KDM6B: variants seen among roughly 807,000 people sequenced by gnomAD.
KDM6B encodes the protein lysine demethylase 6B.
KDM6B carries 22 observed loss-of-function variants against 150.4 expected under a neutral mutation model. The observed-to-expected ratio is 0.15, with a 90% CI of 0.10 to 0.21. KDM6B has a LOEUF of 0.21. Among genes scored for constraint, KDM6B ranks in the 10% least tolerant of loss-of-function variants. The pLI is 1.00. For synonymous variants in KDM6B, 1,148 were observed against 921.1 expected (o/e 1.25, Z -4.46); for missense variants, 1,984 against 2,234.3 (o/e 0.89, Z 2.26).
Position 7,847,367 on chromosome 17 carries a change from C to T in KDM6B, c.1172C>T (p.Pro391Leu), listed in dbSNP as rs987662315. The T allele has an allele frequency of 8.1e-6, 13 of 1,612,848 alleles. No individual in the cohort carries two copies. The East Asian group carries it at 2.0e-4, about 25-fold the overall frequency. ...ACVPYAPSRP[P>L]GLPGTTTSSS... Reference sequence around the variant, plus strand: ...GTGCCTTACGCCCCTTCCCGGCCCCCTGGCCTCCCCGGCACCACCACCAGC... The same window carrying T: ...GTGCCTTACGCCCCTTCCCGGCCCCTTGGCCTCCCCGGCACCACCACCAGC... The change falls in exon 11 of 24, where the codon CCT (proline) becomes CTT (leucine). Residue 391 changes from proline (P) to leucine (L), a missense_variant. Pro to Leu is a moderately conservative substitution (Grantham distance 98). Transcript: ENST00000448097.
Position 7,834,244 on chromosome 17 carries a change from A to G in KDM6B, c.-494A>G, listed in dbSNP as rs1277953748. Reference sequence around the variant, plus strand: ...TTGTGTTGGAAAATCCAACTGCGCCACTGGGCGGAGCGGCCCCCCCAGCCC... The same window carrying G: ...TTGTGTTGGAAAATCCAACTGCGCCGCTGGGCGGAGCGGCCCCCCCAGCCC... On this transcript the variant is annotated 5_prime_UTR_variant, in exon 1 of 24. Transcript: ENST00000448097. 6.6e-6 allele frequency among the ~76,000 whole-genome samples: 1 copy of G among 150,994 alleles called. No homozygotes were observed. The highest frequency in any genetic ancestry group is 1.5e-5 in the Non-Finnish European group (1 of 67,636).
rs982790515 is a variant in KDM6B at position 7,849,190 on chromosome 17, G to A, written c.2902G>A (p.Val968Met). Residue 968 changes from valine to methionine, a missense_variant, in exon 12 of 24, where the codon GTG becomes ATG. Transcript: ENST00000448097. ...AKEEAGGVAA[V>M]SGSCKRRQKE... is the part of the protein sequence containing the mutation. Reference sequence around the variant, plus strand: ...GGAGGAGGCTGGCGGGGTGGCGGCAGTGTCAGGCAGCTGTAAGCGGCGACA... The same window carrying A: ...GGAGGAGGCTGGCGGGGTGGCGGCAATGTCAGGCAGCTGTAAGCGGCGACA... 1.2e-6 allele frequency: 2 copies of A among 1,606,476 alleles called. No homozygotes were observed. Among genetic ancestry groups the A allele is most frequent in the African/African-American group, 1.3e-5 (1 of 74,904 alleles).
chr17:7,850,422 A>G (rs576543272), intron 14 of KDM6B, among the ~76,000 whole-genome samples: 2 of 152,360 alleles, frequency 1.3e-5, no homozygotes, highest in East Asian at 3.9e-4. Context: ...GAAGAGAATA[A>G]TACAGATTTT....
In KDM6B at chr17:7,841,958, A is replaced by G. The variant is rs976173710; in HGVS notation, c.-269+1934A>G. ...CTCGCTTCCACCAGGCGTGATGAGG[A>G]CGGGCAGGGAGCGGGTTGCGACGAG... On this transcript the variant is annotated intron_variant, in intron 2 of 23. Coordinates refer to ENST00000448097, the MANE Select transcript of KDM6B (RefSeq NM_001348716.2). Among the ~76,000 whole-genome samples the G allele has an allele frequency of 5.3e-5, 8 of 152,134 alleles. No homozygotes were observed. In the South Asian group the frequency reaches 1.0e-3, roughly 20 times the overall value.
intron 21 of KDM6B, 56 bp from the exon 22 acceptor site, chr17:7,852,944 C>A: frequency 6.2e-7 from 1 of 1,612,126 alleles, no homozygotes; most frequent in Non-Finnish European, 8.5e-7. Flanking sequence ...TTGCTCCAGC[C>A]CTGCCTCAGG....
rs1462539293 is a variant in KDM6B, at chr17:7,853,535, G to C, written c.*14G>C. On this transcript the variant is annotated 3_prime_UTR_variant, in exon 24 of 24. Transcript: ENST00000448097. Reference sequence around the variant, plus strand: ...ACGTCGCGATGAGGCCGGACGCCCCGCCCGCCTGCCTGCCCGCGCAAGGCG... The same window carrying C: ...ACGTCGCGATGAGGCCGGACGCCCCCCCCGCCTGCCTGCCCGCGCAAGGCG... 2 of 1,439,268 alleles carry C rather than the reference G, an allele frequency of 1.4e-6. No individual in the cohort carries two copies. Among genetic ancestry groups the C allele is most frequent in the Non-Finnish European group, 1.8e-6 (2 of 1,101,786 alleles). The allele number at this position is 1,439,268 out of a possible 1,614,324, so 89.2% of individuals were successfully genotyped here.
At chr17:7,852,688 T>G in intron 21 of KDM6B, 52 bp downstream of exon 21, 2 of 1,610,202 alleles carry the variant, frequency 1.2e-6, no homozygotes, top group Non-Finnish European at 1.7e-6. Flanking sequence ...GTCCCTTTTC[T>G]TGTTCTTCCT....
At chr17:7,841,694 C>T (rs867046929) in intron 2 of KDM6B, among the ~76,000 whole-genome samples, 2 of 152,220 alleles carry the variant, frequency 1.3e-5, no homozygotes, top group African/African-American at 4.8e-5. Flanking sequence ...GTCAGACAGA[C>T]TGGTGAACAC....
Position 7,846,483 on chromosome 17 carries a change from A to G in KDM6B, c.540A>G (p.Leu180=). The G allele has an allele frequency of 1.2e-6, 2 of 1,612,476 alleles. No homozygotes were observed. The highest frequency in any genetic ancestry group is 1.3e-5 in the African/African-American group (1 of 74,396). ...LPPLEQVWNL[L]HLEHKRNYGA... ...CACTGGAGCAAGTGTGGAACTTGCTACACCTTGAGGTGAGGCTGGCACTGG... is the reference window on the plus strand; with the variant it reads ...CACTGGAGCAAGTGTGGAACTTGCTGCACCTTGAGGTGAGGCTGGCACTGG... Residue 180 remains leucine (L), a synonymous_variant, in exon 8 of 24, where the codon CTA becomes CTG. Coordinates refer to ENST00000448097, the MANE Select transcript of KDM6B (RefSeq NM_001348716.2).
intron 21 of KDM6B, 123 bp downstream of exon 21, chr17:7,852,759 C>G (rs959556729): frequency 6.3e-6 from 9 of 1,433,842 alleles, no homozygotes; most frequent in Non-Finnish European, 8.7e-6. Flanking sequence ...CCGAGTGTTA[C>G]TGTGTTGGGG....
chr17:7,846,205 G>A lies in KDM6B; in HGVS notation c.364G>A (p.Asp122Asn), dbSNP rs772125486. Residue 122 changes from aspartate (D) to asparagine (N), a missense_variant, in exon 7 of 24, where the codon GAT (aspartate) becomes AAT (asparagine). Asp to Asn is a conservative substitution (Grantham distance 23, BLOSUM62 1). This residue lies in a region of KDM6B where 337 missense variants were observed against 323.9 expected (regional missense o/e 1.04). Coordinates refer to ENST00000448097, the MANE Select transcript of KDM6B (RefSeq NM_001348716.2). ...TGGGCAACTGTACGAGTCAGAGCAC[G>A]ATAGTGAGGAGGCCACACGCTGCTA... is the stretch of plus-strand genomic sequence containing the variant. The part of the protein sequence containing the change: ...QLGQLYESEH[D>N]SEEATRCYHS... 6 of 1,614,032 alleles carry A rather than the reference G, an allele frequency of 3.7e-6. No individual in the cohort carries two copies. Among genetic ancestry groups the A allele is most frequent in the South Asian group, 3.3e-5 (3 of 91,082 alleles).
In KDM6B at chr17:7,854,117, G is replaced by A. The variant is rs983382961; in HGVS notation, c.*596G>A. The A allele has an allele frequency of 1.3e-5, 2 of 151,656 alleles. No homozygotes were observed. Among genetic ancestry groups the A allele is most frequent in the Non-Finnish European group, 2.9e-5 (2 of 67,846 alleles). 9.4% of individuals were successfully genotyped at this position (151,656 alleles called of 1,614,324 possible). ...CACTCACCTCTATTTATTCATTTTTGGGAAAACCCGACCTCCCACACCCCC... is the reference window on the plus strand; with the variant it reads ...CACTCACCTCTATTTATTCATTTTTAGGAAAACCCGACCTCCCACACCCCC... On this transcript the variant is annotated 3_prime_UTR_variant, in exon 24 of 24. Coordinates refer to ENST00000448097, the MANE Select transcript of KDM6B (RefSeq NM_001348716.2).
Position 7,844,204 on chromosome 17 carries a change from G to A in KDM6B, c.-268-697G>A, listed in dbSNP as rs1446282090. 1 of 152,174 alleles carries A rather than the reference G, an allele frequency of 6.6e-6. No individual in the cohort carries two copies. Among genetic ancestry groups the A allele is most frequent in the Non-Finnish European group, 1.5e-5 (1 of 68,034 alleles). The allele number at this position is 152,174 out of a possible 1,614,324, so 9.4% of individuals were successfully genotyped here. On this transcript the variant is annotated intron_variant, in intron 2 of 23. Coordinates refer to ENST00000448097, the MANE Select transcript of KDM6B (RefSeq NM_001348716.2). The surrounding 1 kb of genome is among the most constrained non-coding windows in gnomAD (Gnocchi z 5.9). ...CGTGGCCCCGGCGGGGAAGGGCAGA[G>A]AGGATACGCGAGCCACGAGAGAGGG...
At position 7,842,010 on chromosome 17, in the gene KDM6B, G is replaced by A. The variant is rs1002459753; in HGVS notation, c.-269+1986G>A. Among the ~76,000 whole-genome samples, 9 of 152,208 alleles carry A rather than the reference G, an allele frequency of 5.9e-5. No homozygotes were observed. The East Asian group carries it at 1.7e-3, about 29-fold the overall frequency. On this transcript the variant is annotated intron_variant, in intron 2 of 23. Transcript: ENST00000448097. ...GTCCTGGACCGCCCCACCTCGGCGC[G>A]CGCGCAGCATGCCCGCTGATTGCCG...
rs778169246 is a variant in KDM6B, at chr17:7,849,711, C to A, written c.3423C>A (p.Asp1141Glu). 1 of 1,611,316 alleles carries A rather than the reference C, an allele frequency of 6.2e-7. No homozygotes were observed. The highest frequency in any genetic ancestry group is 8.5e-7 in the Non-Finnish European group (1 of 1,179,946). Residue 1141 changes from aspartate (D) to glutamate (E), a missense_variant, in exon 12 of 24, where the codon GAC becomes GAA. Transcript: ENST00000448097. ...TCACCATCAGCCACTGTGCTGCTGACGTCGTGCGCGCCAGCAGGTGAGTCG... is the reference window on the plus strand; with the variant it reads ...TCACCATCAGCCACTGTGCTGCTGAAGTCGTGCGCGCCAGCAGGTGAGTCG... ...ADLTISHCAA[D>E]VVRASRNAKV...
chr17:7,848,913 C>G lies in KDM6B; in HGVS notation c.2625C>G (p.Gly875=). The change falls in exon 12 of 24, where the codon GGC becomes GGG. Residue 875 remains glycine (G), a synonymous_variant. Transcript: ENST00000448097. ...CGTCATCTCAGTTCTCTACCTCAGG[C>G]GGGCCCTGGGCCCGGGAGCGCAGGG... ...ASSSSQFSTS[G]GPWARERRAG... The G allele has an allele frequency of 6.2e-7, 1 of 1,603,096 alleles. No homozygotes were observed. The highest frequency in any genetic ancestry group is 2.2e-5 in the East Asian group (1 of 44,644).
chr17:7,853,182 CCT>C (rs761306081), intron 22 of KDM6B, 26 bp from the exon 23 acceptor site: 2 of 1,613,850 alleles, frequency 1.2e-6, no homozygotes, highest in Non-Finnish European at 8.5e-7. Context: ...CCTCCCTCCC[CCT>C]GACTGCACTG....
Position 7,848,734 on chromosome 17 carries a change from TAC to T in KDM6B, c.2447_2448del (p.Tyr816LeufsTer40). Reference protein sequence around the residue: ...SLASVLEGQKYCYRGTGAAVS... With the variant: ...SLASVLEGQKXCYRGTGAAVS... ...GGCCTCCGTGCTGGAGGGACAAAAG[TAC>T]TGTTATCGGGGGACTGGAGCAGCTG... On this transcript the variant is annotated frameshift_variant, in exon 12 of 24. Coordinates refer to ENST00000448097, the MANE Select transcript of KDM6B (RefSeq NM_001348716.2). LOFTEE classifies it high-confidence loss of function. The T allele has an allele frequency of 6.2e-7, 1 of 1,612,488 alleles. No individual in the cohort carries two copies. Among genetic ancestry groups the T allele is most frequent in the Non-Finnish European group, 8.5e-7 (1 of 1,179,924 alleles).
In KDM6B at chr17:7,853,611, C is replaced by A; in HGVS notation, c.*90C>A. 1 of 1,026,902 alleles carries A rather than the reference C, an allele frequency of 9.7e-7. No homozygotes were observed. The highest frequency in any genetic ancestry group is 1.3e-6 in the Non-Finnish European group (1 of 780,178). 63.6% of individuals were successfully genotyped at this position (1,026,902 alleles called of 1,614,324 possible). On this transcript the variant is annotated 3_prime_UTR_variant, in exon 24 of 24. Transcript: ENST00000448097. ...GGCTGGACCTAGGTCCCGCCTGTGG[C>A]CGAGAAGGGGGTCGGGCCCAGCCCT...
Sources: gnomAD v4.1 joint callset for allele counts (sites outside exome capture counted in the v4.1 genomes callset) on GRCh38, gnomAD v4.1.1 for gene constraint, gnomAD v4.1.1 regional missense constraint, Gnocchi (gnomAD v3.1) non-coding constraint, MANE v1.5 for transcripts, NCBI Gene and HGNC (gene_info 2026-07-23, HGNC 2026-07-21) for gene names.